The following SCML4 variants were observed in gnomAD, a reference collection of about 807,000 sequenced individuals.
SCML4 encodes sex comb on midleg-like protein 4.
A neutral mutation model predicts 41.1 loss-of-function variants in SCML4; 34 were observed. The ratio of observed to expected loss-of-function variants is 0.83; its 90% CI spans 0.63 to 1.10. SCML4 has a LOEUF of 1.10. Among genes scored for constraint, SCML4 ranks in the 50% least tolerant of loss-of-function variants. SCML4 has a pLI of 0.00. For missense variants in SCML4, 522 were observed against 534.1 expected (o/e 0.98, Z 0.22); for synonymous variants, 214 against 220.9 (o/e 0.97, Z 0.28).
chr6:107,746,526 G>C, intron 4 of SCML4, 163 bp downstream of exon 4: 1 of 595,510 alleles, frequency 1.7e-6, no homozygotes, highest in Non-Finnish European at 3.0e-6. Context: ...CTCTCCCTGA[G>C]CCCTGAGAGA....
At chr6:107,795,466 T>C (rs1782635795) in intron 1 of SCML4, among the ~76,000 whole-genome samples, 1 of 152,216 alleles carries the variant, frequency 6.6e-6, no homozygotes, top group Non-Finnish European at 1.5e-5. Context: ...TTTTGACAAA[T>C]GTATACACCA....
intron 1 of SCML4, among the ~76,000 whole-genome samples, chr6:107,803,234 C>T (rs1185932579): frequency 1.3e-4 from 17 of 134,644 alleles, no homozygotes; most frequent in Non-Finnish European, 1.6e-4. Flanking sequence ...CGCCTCTGCC[C>T]GGCCGCCCTG....
At chr6:107,727,124 C>T (rs1776063473) in intron 5 of SCML4, among the ~76,000 whole-genome samples, 1 of 152,158 alleles carries the variant, frequency 6.6e-6, no homozygotes, top group Admixed American at 6.5e-5. Flanking sequence ...ATCCTTGAAA[C>T]ATTATGCAAA....
intron 1 of SCML4, among the ~76,000 whole-genome samples, chr6:107,794,863 T>A (rs1782596378): frequency 6.6e-6 from 1 of 152,186 alleles, no homozygotes; most frequent in South Asian, 2.1e-4. Flanking sequence ...TTCCTGTCCC[T>A]TTCCTAGCCT....
At chr6:107,804,773 T>C (rs1261996677) in intron 1 of SCML4, among the ~76,000 whole-genome samples, 1 of 152,222 alleles carries the variant, frequency 6.6e-6, no homozygotes, top group Non-Finnish European at 1.5e-5. Flanking sequence ...GCCTAGGAGT[T>C]TGAGACCAGC....
At chr6:107,722,538 A>C (rs1775533318) in intron 5 of SCML4, among the ~76,000 whole-genome samples, 1 of 152,220 alleles carries the variant, frequency 6.6e-6, no homozygotes. Flanking sequence ...ATCAGCAAAA[A>C]TATGAAAAAT....
chr6:107,798,468 C>G (rs1782871367), intron 1 of SCML4, among the ~76,000 whole-genome samples: 1 of 151,918 alleles, frequency 6.6e-6, no homozygotes, highest in Non-Finnish European at 1.5e-5. Flanking sequence ...CATTCCTCTG[C>G]TGGTAATCTG....
intron 2 of SCML4, among the ~76,000 whole-genome samples, chr6:107,750,375 C>A (rs758944893): frequency 7.9e-5 from 12 of 152,208 alleles, no homozygotes; most frequent in African/African-American, 1.4e-4. Context: ...TGGGCAGCAG[C>A]CACTTTGATG....
chr6:107,772,367 G>A lies in SCML4; in HGVS notation c.-40C>T, dbSNP rs1479671165. 8 of 1,529,212 alleles carry A rather than the reference G, an allele frequency of 5.2e-6. No individual in the cohort carries two copies. Among genetic ancestry groups the A allele is most frequent in the East Asian group, 2.5e-5 (1 of 40,756 alleles). The allele number at this position is 1,529,212 out of a possible 1,614,324, so 94.7% of individuals were successfully genotyped here. On this transcript the variant is annotated 5_prime_UTR_variant, in exon 2 of 8. Coordinates refer to ENST00000369020, the MANE Select transcript of SCML4 (RefSeq NM_198081.5). ...GTCTTACAGAATGAGGTGACAAATC[G>A]CTCACAGGCAGAAGAGGTGCTAAGA... is the stretch of plus-strand genomic sequence containing the variant.
At chr6:107,843,659 C>G in the SCML4 span, among the ~76,000 whole-genome samples, 54 of 152,192 alleles carry the variant, frequency 3.5e-4, no homozygotes, top group Non-Finnish European at 4.4e-4. Context: ...CGCCCACAGG[C>G]CCTGCAGAGT....
chr6:107,830,591 G>A, the SCML4 span, among the ~76,000 whole-genome samples: 1 of 152,134 alleles, frequency 6.6e-6, no homozygotes, highest in African/African-American at 2.4e-5. Context: ...GGCCGTAGTA[G>A]GAAATTAACA....
intron 6 of SCML4, among the ~76,000 whole-genome samples, chr6:107,716,176 T>C (rs76583091): frequency 0.023 from 3,460 of 152,306 alleles, 119 homozygotes; most frequent in East Asian, 0.16. Flanking sequence ...AAAGCACATA[T>C]AGAACCCCAC....
chr6:107,828,104 G>A (rs1785310471), upstream of SCML4, among the ~76,000 whole-genome samples: 1 of 152,176 alleles, frequency 6.6e-6, no homozygotes, highest in Non-Finnish European at 1.5e-5. Flanking sequence ...CCATCTTACA[G>A]ATAAGGAAAC....
In SCML4 at chr6:107,746,775, G is replaced by A; in HGVS notation, c.401C>T (p.Ala134Val). 6.2e-7 allele frequency: 1 copy of A among 1,613,850 alleles called. No individual in the cohort carries two copies. Among genetic ancestry groups the A allele is most frequent in the Non-Finnish European group, 8.5e-7 (1 of 1,180,000 alleles). ...PERPSAVLQQ[A>V]VQACIDCAHQ... ...GGCGCAGTCGATGCAGGCTTGGACG[G>A]CCTGCTGCAGCACCGCCGATGGCCG... The change falls in exon 4 of 8, where the codon GCC becomes GTC. Residue 134 changes from alanine (A) to valine (V), a missense_variant. Coordinates refer to ENST00000369020, the MANE Select transcript of SCML4 (RefSeq NM_198081.5).
chr6:107,781,034 A>C, intron 1 of SCML4, among the ~76,000 whole-genome samples: 1 of 152,148 alleles, frequency 6.6e-6, no homozygotes, highest in East Asian at 1.9e-4. Flanking sequence ...ACACAAAAGA[A>C]GGGTGAATAG....
chr6:107,713,853 A>T lies in SCML4; in HGVS notation c.974-5842T>A, dbSNP rs568950310. On this transcript the variant is annotated intron_variant, in intron 6 of 7. Coordinates refer to ENST00000369020, the MANE Select transcript of SCML4 (RefSeq NM_198081.5). ...CACTAGATGCATCCTTTCTAGATAC[A>T]ATGCCATATCAAATGTGTGACATGC... 1.7e-3 allele frequency among the ~76,000 whole-genome samples: 262 copies of T among 152,302 alleles called. 2 individuals carry two copies. Among genetic ancestry groups the T allele is most frequent in the Non-Finnish European group, 3.0e-3 (201 of 68,032 alleles).
At chr6:107,762,634 G>A (rs956502094) in intron 2 of SCML4, among the ~76,000 whole-genome samples, 2 of 152,138 alleles carry the variant, frequency 1.3e-5, no homozygotes, top group African/African-American at 4.8e-5. Context: ...GACACACACA[G>A]ATGGAAGATG....
chr6:107,795,873 G>A (rs530630337), intron 1 of SCML4, among the ~76,000 whole-genome samples: 3 of 152,110 alleles, frequency 2.0e-5, no homozygotes, highest in Admixed American at 6.5e-5. Context: ...CTCTTCCAAC[G>A]GCAGATACTA....
intron 2 of SCML4, among the ~76,000 whole-genome samples, chr6:107,759,149 A>AAAG (rs1027783930): frequency 7.9e-5 from 12 of 151,020 alleles, no homozygotes; most frequent in African/African-American, 2.9e-4. Flanking sequence ...AAAAAAAAAA[A>AAAG]AAAAACCTGA....
Sources: allele counts gnomAD v4.1 joint callset (sites outside exome capture counted in the v4.1 genomes callset), GRCh38; gene constraint gnomAD v4.1.1; transcripts MANE v1.5; gene names NCBI Gene and HGNC (gene_info 2026-07-23, HGNC 2026-07-21).